FSHR: variants seen among roughly 807,000 people sequenced by gnomAD.
The protein encoded by FSHR is follicle stimulating hormone receptor, also known as follicle-stimulating hormone receptor.
A neutral mutation model predicts 52.1 loss-of-function variants in FSHR; 46 were observed. That is an observed-to-expected ratio of 0.88 (90% CI 0.70 to 1.13). The LOEUF (loss-of-function observed/expected upper bound fraction) is 1.13. FSHR is among the 50% of genes most tolerant of loss of function. The pLI is 0.00. For missense variants in FSHR, 964 were observed against 834.6 expected, an observed-to-expected ratio of 1.16 and a Z score of -1.91; for synonymous variants, 399 against 309.6, an observed-to-expected ratio of 1.29 and a Z score of -3.03.
chr2:48,991,217 G>T (rs1356053499), intron 4 of FSHR, among the ~76,000 whole-genome samples: 3 of 152,128 alleles, frequency 2.0e-5, no homozygotes, highest in African/African-American at 4.8e-5. Flanking sequence ...TCCTTCCCAA[G>T]GTCTGGTTGT....
intron 1 of FSHR, among the ~76,000 whole-genome samples, chr2:49,117,944 A>C (rs1671664402): frequency 6.6e-6 from 1 of 152,210 alleles, no homozygotes. Context: ...ATTTTAGGGA[A>C]TTATAAAGGA....
chr2:49,057,998 G>C (rs1295522737), intron 2 of FSHR, among the ~76,000 whole-genome samples: 1 of 152,112 alleles, frequency 6.6e-6, no homozygotes, highest in Non-Finnish European at 1.5e-5. Flanking sequence ...CAATAAATTA[G>C]GTATAGAAGG....
chr2:49,085,067 T>C (rs1440241623), intron 1 of FSHR, among the ~76,000 whole-genome samples: 3 of 151,936 alleles, frequency 2.0e-5, no homozygotes, highest in Non-Finnish European at 2.9e-5. Context: ...GACCAATATC[T>C]TTGATGAACA....
intron 2 of FSHR, among the ~76,000 whole-genome samples, chr2:49,045,352 C>T (rs753334195): frequency 2.0e-5 from 3 of 152,152 alleles, no homozygotes; most frequent in Non-Finnish European, 4.4e-5. Flanking sequence ...AGACTCTCCA[C>T]AGTAGTTAGA....
intron 2 of FSHR, among the ~76,000 whole-genome samples, chr2:49,040,226 A>C (rs1668431539): frequency 6.6e-6 from 1 of 152,148 alleles, no homozygotes; most frequent in Non-Finnish European, 1.5e-5. Context: ...AGGCCTTATA[A>C]AGTGTTTCAG....
chr2:49,127,911 G>T (rs1349501567), intron 1 of FSHR, among the ~76,000 whole-genome samples: 9 of 25,038 alleles, frequency 3.6e-4, no homozygotes, highest in East Asian at 1.7e-3. Flanking sequence ...TTTTTTTTTT[G>T]AGACGGAGTC....
chr2:49,131,393 C>T (rs1672271650), intron 1 of FSHR, among the ~76,000 whole-genome samples: 1 of 152,138 alleles, frequency 6.6e-6, no homozygotes, highest in African/African-American at 2.4e-5. Flanking sequence ...ACCCTCTAAG[C>T]ATAGTGTGAT....
intron 2 of FSHR, among the ~76,000 whole-genome samples, chr2:49,047,117 ATATG>A (rs1668689697): frequency 6.6e-6 from 1 of 152,162 alleles, no homozygotes; most frequent in Non-Finnish European, 1.5e-5. Context: ...AACTTACTCT[ATATG>A]TAGGATTTTT....
intron 1 of FSHR, among the ~76,000 whole-genome samples, chr2:49,087,546 T>C (rs1455262949): frequency 6.6e-6 from 1 of 152,106 alleles, no homozygotes; most frequent in African/African-American, 2.4e-5. Context: ...GCCAGAGAAA[T>C]AGGCAATCAG....
rs140834562 is a variant in FSHR, at chr2:49,118,234, G to C, written c.152+36032C>G. On this transcript the variant is annotated intron_variant, in intron 1 of 9. Transcript: ENST00000406846. ...GAGAGATGTATTCCCAAGGAGGAAA[G>C]GAGGAAAGGAGCAAGGAGGGGGAGG... Among the ~76,000 whole-genome samples the C allele has an allele frequency of 1.8e-3, 280 of 152,272 alleles. 1 individual carries two copies. The highest frequency in any genetic ancestry group is 6.4e-3 in the African/African-American group (265 of 41,564).
intron 2 of FSHR, among the ~76,000 whole-genome samples, chr2:49,063,873 T>G (rs1669406514): frequency 6.6e-6 from 1 of 152,170 alleles, no homozygotes. Flanking sequence ...GTGTGAGATA[T>G]GTTAATTACC....
chr2:49,070,828 C>A (rs1669702830), intron 1 of FSHR, among the ~76,000 whole-genome samples: 1 of 151,978 alleles, frequency 6.6e-6, no homozygotes. Flanking sequence ...GAAAAATTAC[C>A]CAGAAGTCTT....
chr2:49,100,201 T>C (rs1217726373), intron 1 of FSHR, among the ~76,000 whole-genome samples: 2 of 152,118 alleles, frequency 1.3e-5, no homozygotes, highest in African/African-American at 4.8e-5. Context: ...TGCATAGCTA[T>C]ATAGAAGGTG....
chr2:49,103,567 A>C (rs1227299941), intron 1 of FSHR, among the ~76,000 whole-genome samples: 2 of 152,110 alleles, frequency 1.3e-5, no homozygotes, highest in African/African-American at 4.8e-5. Context: ...CAAGGATGTC[A>C]AAGGGCACAT....
intron 8 of FSHR, among the ~76,000 whole-genome samples, chr2:48,975,215 C>T (rs1408666173): frequency 1.3e-5 from 2 of 152,076 alleles, no homozygotes; most frequent in Non-Finnish European, 2.9e-5. Context: ...AAGCTGGGTA[C>T]CCCTTCTTCT....
chr2:49,037,109 T>C (rs1379480246), intron 2 of FSHR, among the ~76,000 whole-genome samples: 1 of 152,204 alleles, frequency 6.6e-6, no homozygotes, highest in Non-Finnish European at 1.5e-5. Context: ...AAGGAAAATC[T>C]TCCCATTAGA....
chr2:49,139,905 AT>A (rs552220670), intron 1 of FSHR, among the ~76,000 whole-genome samples: 131 of 152,112 alleles, frequency 8.6e-4, no homozygotes, highest in Non-Finnish European at 1.3e-3. Flanking sequence ...GCCCCAAGAA[AT>A]TTTATGTTTC....
At chr2:49,037,940 TA>T (rs967933117) in intron 2 of FSHR, among the ~76,000 whole-genome samples, 5 of 151,858 alleles carry the variant, frequency 3.3e-5, no homozygotes, top group African/African-American at 9.7e-5. Context: ...CCACAAGCAT[TA>T]AAAAAATCCA....
intron 2 of FSHR, among the ~76,000 whole-genome samples, chr2:49,050,548 C>T (rs1026022813): frequency 4.6e-5 from 7 of 152,160 alleles, no homozygotes; most frequent in African/African-American, 1.4e-4. Context: ...TAGATTCCAA[C>T]TAAAAGAAGC....
Sources: allele counts gnomAD v4.1 joint callset (sites outside exome capture counted in the v4.1 genomes callset), GRCh38; gene constraint gnomAD v4.1.1; transcripts MANE v1.5; gene names NCBI Gene and HGNC (gene_info 2026-07-23, HGNC 2026-07-21).